The following CDKAL1 variants were observed in gnomAD, a reference collection of about 807,000 sequenced individuals.
The protein encoded by CDKAL1 is threonylcarbamoyladenosine tRNA methylthiotransferase.
A neutral mutation model predicts 68.2 loss-of-function variants in CDKAL1; 32 were observed. That is an observed-to-expected ratio of 0.47 (90% CI 0.35 to 0.63). The LOEUF (loss-of-function observed/expected upper bound fraction) is 0.63. CDKAL1 is among the 30% of genes least tolerant of loss of function. The pLI, the probability that CDKAL1 is intolerant of heterozygous loss-of-function variation, is 0.00. For missense variants in CDKAL1, 606 were observed against 696.7 expected (o/e 0.87, Z 1.47); for synonymous variants, 234 against 244.3 (o/e 0.96, Z 0.39).
chr6:20,615,719 A>G (rs1236999067), intron 4 of CDKAL1, among the ~76,000 whole-genome samples: 1 of 136,886 alleles, frequency 7.3e-6, no homozygotes, highest in Admixed American at 7.7e-5. Context: ...ATTTTCTCCC[A>G]TTTTGTAGGT....
chr6:20,681,963 A>ATGG (rs1770397394), intron 5 of CDKAL1, among the ~76,000 whole-genome samples: 1 of 152,210 alleles, frequency 6.6e-6, no homozygotes, highest in Non-Finnish European at 1.5e-5. Flanking sequence ...AACTCACTTC[A>ATGG]TGGTTCATAG....
chr6:20,650,250 G>T (rs1047713829), intron 5 of CDKAL1, among the ~76,000 whole-genome samples: 1 of 152,102 alleles, frequency 6.6e-6, no homozygotes, highest in South Asian at 2.1e-4. Flanking sequence ...TTTAATAATC[G>T]CCATTCTGAC....
At chr6:21,100,620 GAAGT>G (rs1223332763) in intron 12 of CDKAL1, among the ~76,000 whole-genome samples, 1 of 152,136 alleles carries the variant, frequency 6.6e-6, no homozygotes, top group African/African-American at 2.4e-5. Context: ...AAAGAATAAG[GAAGT>G]ATTATATGTG....
At chr6:20,689,062 TG>T (rs1186794909) in intron 5 of CDKAL1, among the ~76,000 whole-genome samples, 1 of 152,232 alleles carries the variant, frequency 6.6e-6, no homozygotes, top group Non-Finnish European at 1.5e-5. Flanking sequence ...ATTTAGGCTC[TG>T]GTGACACCCC....
chr6:20,699,121 T>C (rs1327871016), intron 5 of CDKAL1, among the ~76,000 whole-genome samples: 2 of 152,140 alleles, frequency 1.3e-5, no homozygotes, highest in Admixed American at 1.3e-4. Context: ...GGATTTATGT[T>C]TTTCAAGTCC....
intron 4 of CDKAL1, among the ~76,000 whole-genome samples, chr6:20,570,964 C>T (rs1764676897): frequency 6.6e-6 from 1 of 152,122 alleles, no homozygotes; most frequent in Admixed American, 6.6e-5. Flanking sequence ...ATCCTATCTT[C>T]CCACTAGATT....
intron 8 of CDKAL1, among the ~76,000 whole-genome samples, chr6:20,832,917 A>G (rs1777776823): frequency 6.6e-6 from 1 of 152,164 alleles, no homozygotes; most frequent in African/African-American, 2.4e-5. Context: ...TTTTAGTCTG[A>G]GGATTAAATG....
chr6:20,560,304 T>C (rs1764217756), intron 4 of CDKAL1, among the ~76,000 whole-genome samples: 1 of 152,302 alleles, frequency 6.6e-6, no homozygotes, highest in South Asian at 2.1e-4. Context: ...ATTGACCCTT[T>C]CAGAGGCAGT....
chr6:20,944,248 AATT>A (rs1206898107), intron 9 of CDKAL1, among the ~76,000 whole-genome samples: 1 of 152,096 alleles, frequency 6.6e-6, no homozygotes. Flanking sequence ...TTTCTTGTCC[AATT>A]ATTGTTGTCT....
chr6:20,771,910 G>A (rs4132894), intron 7 of CDKAL1, among the ~76,000 whole-genome samples: 15,702 of 152,144 alleles, frequency 0.1, 875 homozygotes, highest in African/African-American at 0.13. Context: ...CTGCAGAACC[G>A]TGAGCCAATT....
intron 13 of CDKAL1, among the ~76,000 whole-genome samples, chr6:21,128,853 G>A (rs906753098): frequency 1.3e-5 from 2 of 152,188 alleles, no homozygotes; most frequent in African/African-American, 4.8e-5. Flanking sequence ...TTTCTGTTAA[G>A]GGGTGTTGAA....
chr6:21,101,764 A>G (rs1410163677), intron 12 of CDKAL1, among the ~76,000 whole-genome samples: 1 of 151,964 alleles, frequency 6.6e-6, no homozygotes, highest in Non-Finnish European at 1.5e-5. Flanking sequence ...AGTGAAGGGT[A>G]CTTCTGTCAG....
intron 15 of CDKAL1, among the ~76,000 whole-genome samples, chr6:21,206,001 AT>A (rs199926964): frequency 0.028 from 3,896 of 139,684 alleles, 64 homozygotes; most frequent in South Asian, 0.043. Context: ...CGCCCGGCTA[AT>A]TTTTTTTTTT....
chr6:20,588,555 TTTTC>T (rs767826415), intron 4 of CDKAL1, among the ~76,000 whole-genome samples: 1 of 152,178 alleles, frequency 6.6e-6, no homozygotes, highest in Non-Finnish European at 1.5e-5. Flanking sequence ...CTCTTTGAAG[TTTTC>T]TTTCTATTTC....
intron 4 of CDKAL1, among the ~76,000 whole-genome samples, chr6:20,607,248 T>C (rs1357069188): frequency 6.6e-6 from 1 of 152,238 alleles, no homozygotes; most frequent in Non-Finnish European, 1.5e-5. Flanking sequence ...TGTTGTGTTT[T>C]CCCCATTATT....
intron 7 of CDKAL1, among the ~76,000 whole-genome samples, chr6:20,760,045 C>G (rs933682040): frequency 3.3e-5 from 5 of 151,780 alleles, no homozygotes; most frequent in African/African-American, 1.2e-4. Flanking sequence ...ATTGCCTTAT[C>G]AGAGATTATT....
rs373576149 is a variant in CDKAL1, at chr6:20,609,276, C to CCTCCTT, written c.287-40008_287-40003dup. Among the ~76,000 whole-genome samples the CCTCCTT allele has an allele frequency of 1.6e-3, 217 of 131,758 alleles. 4 individuals are homozygous for CCTCCTT. The highest frequency in any genetic ancestry group is 6.3e-3 in the African/African-American group (206 of 32,530). The allele number at this position is 131,758 out of a possible 152,430, so 86.4% of individuals were successfully genotyped here. On this transcript the variant is annotated intron_variant, in intron 4 of 15. Transcript: ENST00000274695. ...TTCCTCCTTCCTTCCTCCTCCTTCT[C>CCTCCTT]CTCCTTCTCCTTCTTCTCCTTCTCC...
chr6:20,780,117 A>G (rs1254607892), intron 7 of CDKAL1, among the ~76,000 whole-genome samples: 5 of 151,090 alleles, frequency 3.3e-5, no homozygotes, highest in Non-Finnish European at 3.0e-5. Flanking sequence ...AAAAAAAAAA[A>G]AAAGACAAAA....
intron 9 of CDKAL1, among the ~76,000 whole-genome samples, chr6:20,925,962 T>A (rs569947995): frequency 6.6e-6 from 1 of 152,264 alleles, no homozygotes; most frequent in African/African-American, 2.4e-5. Context: ...TCTATAAGAT[T>A]TTTAGAAAAA....
Sources: gnomAD v4.1 joint callset for allele counts (sites outside exome capture counted in the v4.1 genomes callset) on GRCh38, gnomAD v4.1.1 for gene constraint, MANE v1.5 for transcripts, NCBI Gene and HGNC (gene_info 2026-07-23, HGNC 2026-07-21) for gene names.